The following RBFOX1 variants were observed in gnomAD, a reference collection of about 807,000 sequenced individuals.
RBFOX1 encodes the protein RNA binding protein fox-1 homolog 1.
RBFOX1 carries 8 observed loss-of-function variants against 57.7 expected under a neutral mutation model. That is an observed-to-expected ratio of 0.14 (90% CI 0.08 to 0.25). RBFOX1 has a LOEUF of 0.25. Ranked by LOEUF, RBFOX1 falls within the 10% of genes least tolerant of loss-of-function variation. The probability of loss-of-function intolerance (pLI) is 1.00; values close to 1 mark genes in which losing one functional copy is unlikely to be tolerated. For synonymous variants in RBFOX1, 326 were observed against 222.4 expected, an observed-to-expected ratio of 1.47 and a Z score of -4.15; for missense variants, 611 against 548.5, an observed-to-expected ratio of 1.11 and a Z score of -1.14.
At chr16:6,260,290 A>G (rs944151194) in intron 1 of RBFOX1, among the ~76,000 whole-genome samples, 1 of 152,146 alleles carries the variant, frequency 6.6e-6, no homozygotes, top group African/African-American at 2.4e-5. Flanking sequence ...TGGTTTATGA[A>G]TGTTCCAGAT....
At chr16:6,137,789 TG>T (rs1250193119) in intron 1 of RBFOX1, among the ~76,000 whole-genome samples, 1 of 151,832 alleles carries the variant, frequency 6.6e-6, no homozygotes, top group African/African-American at 2.4e-5. Context: ...TAAAATTTTT[TG>T]TAGAGACAGG....
At chr16:7,479,906 C>T (rs973155740) in intron 4 of RBFOX1, among the ~76,000 whole-genome samples, 13 of 152,072 alleles carry the variant, frequency 8.5e-5, no homozygotes, top group African/African-American at 3.1e-4. Flanking sequence ...CGGAGATTTC[C>T]CCCTTCCCAA....
chr16:6,881,857 A>AC (rs1434667725), intron 3 of RBFOX1, among the ~76,000 whole-genome samples: 1 of 151,776 alleles, frequency 6.6e-6, no homozygotes, highest in Admixed American at 6.6e-5. Flanking sequence ...GAGGCTGAAA[A>AC]ATCTTAAGAA....
At chr16:5,519,004 T>C (rs541254849) in intron 2 of RBFOX1, among the ~76,000 whole-genome samples, 4 of 152,198 alleles carry the variant, frequency 2.6e-5, no homozygotes, top group African/African-American at 7.2e-5. Context: ...GCTGCTGTTA[T>C]AAGAAGAGGA....
intron 3 of RBFOX1, among the ~76,000 whole-genome samples, chr16:6,917,126 C>T (rs1309034264): frequency 6.6e-6 from 1 of 152,226 alleles, no homozygotes; most frequent in Admixed American, 6.5e-5. Flanking sequence ...GCTGGGGTTA[C>T]AGGTGTGAGC....
rs764886194 is a variant in RBFOX1 at position 7,653,962 on chromosome 16, C to G, written c.890+15C>G. 6 of 1,488,522 alleles carry G rather than the reference C, an allele frequency of 4.0e-6. No individual in the cohort carries two copies. The African/African-American group carries it at 4.2e-5, about 10-fold the overall frequency. 92.2% of individuals were successfully genotyped at this position (1,488,522 alleles called of 1,614,324 possible). A position where few individuals can be genotyped will look rare whatever the true frequency, so the allele number is the denominator to read the frequency against. On this transcript the variant is annotated intron_variant, in intron 12 of 15. Coordinates refer to ENST00000550418, the MANE Select transcript of RBFOX1 (RefSeq NM_018723.4). ...GCCTACGGCGGGTAAGTGGGGCAGC[C>G]TCCTGGGTGGGCCTCCCTGCACCAG...
rs112301021 is a variant in RBFOX1, at chr16:5,783,294, C to T, written c.319-84009C>T. 2.7e-3 allele frequency among the ~76,000 whole-genome samples: 415 copies of T among 152,274 alleles called. 3 individuals carry two copies. Among genetic ancestry groups the T allele is most frequent in the African/African-American group, 9.3e-3 (388 of 41,544 alleles). On this transcript the variant is annotated intron_variant, in intron 3 of 19. Transcript: ENST00000641259. ...AATCTATGTATAAGATATCTCTCTC[C>T]TCCCAGAAACTATCTTTTCGCTGCT...
Position 7,175,118 on chromosome 16 carries a change from G to A in RBFOX1, c.27+123020G>A, listed in dbSNP as rs544120961. ...TACATAGGTAAATGTATGTCTTGGT[G>A]GTTTGCTGCACCTATCAACCCATCA... On this transcript the variant is annotated intron_variant, in intron 4 of 15. Coordinates refer to ENST00000550418, the MANE Select transcript of RBFOX1 (RefSeq NM_018723.4). Among the ~76,000 whole-genome samples the A allele has an allele frequency of 1.1e-3, 166 of 151,864 alleles. 1 individual carries two copies. The highest frequency in any genetic ancestry group is 3.8e-3 in the African/African-American group (158 of 41,418).
intron 3 of RBFOX1, among the ~76,000 whole-genome samples, chr16:5,634,058 G>A (rs947831532): frequency 1.3e-5 from 2 of 152,166 alleles, no homozygotes; most frequent in African/African-American, 4.8e-5. Context: ...ACTCAAATAA[G>A]CGTCATTAGT....
At chr16:6,860,426 C>G (rs1263866838) in intron 3 of RBFOX1, among the ~76,000 whole-genome samples, 1 of 152,188 alleles carries the variant, frequency 6.6e-6, no homozygotes, top group East Asian at 1.9e-4. Flanking sequence ...TACACGTTGG[C>G]TAAGACGCGG....
At position 6,373,596 on chromosome 16, in the gene RBFOX1, G is replaced by A. The variant is rs571330440; in HGVS notation, c.-64+56539G>A. ...TGGAGATTGGGTGGAAGTATAGTCGGATGAGAGGATGGTTGGCAAAATCTT... is the reference window on the plus strand; with the variant it reads ...TGGAGATTGGGTGGAAGTATAGTCGAATGAGAGGATGGTTGGCAAAATCTT... On this transcript the variant is annotated intron_variant, in intron 2 of 15. Coordinates refer to ENST00000550418, the MANE Select transcript of RBFOX1 (RefSeq NM_018723.4). Among the ~76,000 whole-genome samples, 315 of 152,040 alleles carry A rather than the reference G, an allele frequency of 2.1e-3. 2 individuals are homozygous for A. Among genetic ancestry groups the A allele is most frequent in the Non-Finnish European group, 3.7e-3 (254 of 67,958 alleles).
chr16:7,088,737 A>T (rs1032876704), intron 4 of RBFOX1, among the ~76,000 whole-genome samples: 1 of 152,178 alleles, frequency 6.6e-6, no homozygotes, highest in African/African-American at 2.4e-5. Context: ...AGCATGTGTG[A>T]ATTTCTTATG....
At chr16:6,244,608 C>T (rs1005626522) in intron 1 of RBFOX1, among the ~76,000 whole-genome samples, 37 of 152,164 alleles carry the variant, frequency 2.4e-4, no homozygotes, top group Non-Finnish European at 3.1e-4. Context: ...GGTCCCAGTT[C>T]AAGCAATTCT....
intron 4 of RBFOX1, among the ~76,000 whole-genome samples, chr16:7,501,944 G>T (rs914893963): frequency 6.6e-6 from 1 of 152,176 alleles, no homozygotes; most frequent in Non-Finnish European, 1.5e-5. Context: ...CACAGTCCCT[G>T]ACATCCAACA....
At chr16:7,606,793 G>T (rs1049952702) in intron 9 of RBFOX1, among the ~76,000 whole-genome samples, 5 of 152,056 alleles carry the variant, frequency 3.3e-5, no homozygotes, top group African/African-American at 4.8e-5. Context: ...ATTTTCTTTG[G>T]TTTTTATGAA....
intron 2 of RBFOX1, among the ~76,000 whole-genome samples, chr16:6,496,262 A>C (rs751213519): frequency 1.3e-5 from 2 of 152,056 alleles, no homozygotes; most frequent in African/African-American, 2.4e-5. Context: ...GACAGTGACC[A>C]CTCTGAAAGG....
At chr16:7,208,289 G>C (rs189070402) in intron 4 of RBFOX1, among the ~76,000 whole-genome samples, 1 of 152,148 alleles carries the variant, frequency 6.6e-6, no homozygotes, top group Non-Finnish European at 1.5e-5. Flanking sequence ...GACTGTATTT[G>C]GAGACAGTTT....
At chr16:5,562,182 A>G (rs1209079280) in intron 2 of RBFOX1, among the ~76,000 whole-genome samples, 2 of 152,190 alleles carry the variant, frequency 1.3e-5, no homozygotes, top group African/African-American at 2.4e-5. Context: ...TTGATAGAAC[A>G]GATTTATTTC....
At chr16:6,475,617 T>C (rs74005219) in intron 2 of RBFOX1, among the ~76,000 whole-genome samples, 3,491 of 152,326 alleles carry the variant, frequency 0.023, 111 homozygotes, top group African/African-American at 0.068. Flanking sequence ...CATCTCAATA[T>C]GCTTCATTAA....
Sources: allele counts gnomAD v4.1 joint callset (sites outside exome capture counted in the v4.1 genomes callset), GRCh38; gene constraint gnomAD v4.1.1; transcripts MANE v1.5; gene names NCBI Gene and HGNC (gene_info 2026-07-23, HGNC 2026-07-21).